Variants in ABCG5 observed in about 807,000 individuals in gnomAD.
ABCG5 encodes ATP binding cassette subfamily G member 5, also known as ATP-binding cassette sub-family G member 5.
ABCG5 carries 64 observed loss-of-function variants against 64.5 expected under a neutral mutation model. The ratio of observed to expected loss-of-function variants is 0.99; its 90% CI spans 0.81 to 1.22. The LOEUF is 1.22. Ranked by LOEUF, ABCG5 falls within the 50% of genes most tolerant of loss-of-function variation. ABCG5 has a pLI of 0.00. For synonymous variants in ABCG5, 385 were observed against 326.3 expected (o/e 1.18, Z -1.94); for missense variants, 908 against 829.5 (o/e 1.09, Z -1.16).
intron 11 of ABCG5, among the ~76,000 whole-genome samples, chr2:43,818,573 T>C (rs1343401708): frequency 6.6e-6 from 1 of 152,162 alleles, no homozygotes; most frequent in African/African-American, 2.4e-5. Context: ...TCAAATAATA[T>C]AAAAGAGGAA....
At chr2:43,818,496 T>C (rs1666991427) in intron 11 of ABCG5, among the ~76,000 whole-genome samples, 1 of 152,086 alleles carries the variant, frequency 6.6e-6, no homozygotes, top group Non-Finnish European at 1.5e-5. Flanking sequence ...AGTATCACTT[T>C]CTCAAAAAAT....
At chr2:43,810,870 G>A (rs190399003), downstream of ABCG5, among the ~76,000 whole-genome samples, 445 of 152,288 alleles carry the variant, frequency 2.9e-3, 6 homozygotes, top group Non-Finnish European at 7.1e-4. Flanking sequence ...GGAAGAAACA[G>A]CCTATTCCAC....
chr2:43,832,117 C>A, intron 2 of ABCG5, 34 bp from the exon 3 acceptor site: 1 of 1,561,968 alleles, frequency 6.4e-7, no homozygotes, highest in Non-Finnish European at 8.7e-7. Flanking sequence ...CTAGAGGAAC[C>A]ACTCTGTGCC....
chr2:43,810,274 A>G (rs915422645), downstream of ABCG5: 3 of 774,962 alleles, frequency 3.9e-6, no homozygotes, highest in African/African-American at 1.9e-5. Context: ...CCCCACACCT[A>G]GAGTGTCGCC....
chr2:43,829,115 A>G (rs1181053560), intron 4 of ABCG5, among the ~76,000 whole-genome samples: 1 of 152,224 alleles, frequency 6.6e-6, no homozygotes, highest in Non-Finnish European at 1.5e-5. Context: ...ACTGCAGCCC[A>G]TACAGAAAAA....
downstream of ABCG5, chr2:43,809,831 A>G: frequency 4.5e-6 from 7 of 1,538,542 alleles, no homozygotes; most frequent in South Asian, 1.2e-5. Flanking sequence ...TATACTGTGA[A>G]TTAACTATTG....
intron 11 of ABCG5, among the ~76,000 whole-genome samples, chr2:43,818,190 A>C (rs1169296205): frequency 1.3e-5 from 2 of 152,014 alleles, no homozygotes; most frequent in African/African-American, 4.8e-5. Context: ...GGTGGCTCAC[A>C]CCTGTAATCC....
intron 11 of ABCG5, among the ~76,000 whole-genome samples, chr2:43,817,439 C>T (rs183426545): frequency 1.3e-5 from 2 of 152,040 alleles, no homozygotes; most frequent in African/African-American, 2.4e-5. Context: ...GAGCCGAGAT[C>T]GTGCCATTGC....
the ABCG5 span, among the ~76,000 whole-genome samples, chr2:43,806,782 T>C: frequency 6.6e-6 from 1 of 152,192 alleles, no homozygotes; most frequent in Non-Finnish European, 1.5e-5. Flanking sequence ...CTTAAAACCA[T>C]AAGAATTTTG....
downstream of ABCG5, among the ~76,000 whole-genome samples, chr2:43,807,648 G>A (rs776501824): frequency 1.2e-4 from 16 of 134,544 alleles, no homozygotes; most frequent in Non-Finnish European, 2.0e-4. Flanking sequence ...TCAACTCCTC[G>A]CCTAAAGCAA....
At chr2:43,825,894 G>A (rs1037929740) in intron 6 of ABCG5, among the ~76,000 whole-genome samples, 1 of 152,186 alleles carries the variant, frequency 6.6e-6, no homozygotes, top group Non-Finnish European at 1.5e-5. Flanking sequence ...TTGGAACATG[G>A]TAGGTGCTGA....
chr2:43,808,505 G>C (rs779228457), downstream of ABCG5, among the ~76,000 whole-genome samples: 1 of 152,144 alleles, frequency 6.6e-6, no homozygotes, highest in Non-Finnish European at 1.5e-5. Flanking sequence ...GACAACCTTT[G>C]TACAGTTATT....
At chr2:43,813,563 C>A (rs1666600941) in intron 12 of ABCG5, among the ~76,000 whole-genome samples, 1 of 152,002 alleles carries the variant, frequency 6.6e-6, no homozygotes, top group South Asian at 2.1e-4. Context: ...GATCCCTTAG[C>A]ACAGACTATC....
At chr2:43,819,741 A>C (rs1470517420) in intron 11 of ABCG5, among the ~76,000 whole-genome samples, 174 bp downstream of exon 11, 2 of 152,198 alleles carry the variant, frequency 1.3e-5, no homozygotes, top group African/African-American at 4.8e-5. Context: ...TATTGAACAA[A>C]TGAACAGTTC....
chr2:43,813,060 A>C lies in ABCG5; in HGVS notation c.*56T>G. On this transcript the variant is annotated 3_prime_UTR_variant, in exon 13 of 13. Coordinates refer to ENST00000405322, the MANE Select transcript of ABCG5 (RefSeq NM_022436.3). ...CATGGCACTCTCATTTCAGACGTTC[A>C]GAGCAGTCATGCACAGTCGGCAGCT... 1 of 788,416 alleles carries C rather than the reference A, an allele frequency of 1.3e-6. No individual in the cohort carries two copies. Among genetic ancestry groups the C allele is most frequent in the Non-Finnish European group, 2.3e-6 (1 of 430,024 alleles). The allele number at this position is 788,416 out of a possible 1,614,324, so 48.8% of individuals were successfully genotyped here.
Position 43,838,494 on chromosome 2 carries a change from C to T in ABCG5, c.143+43G>A. The T allele has an allele frequency of 6.4e-7, 1 of 1,560,868 alleles. No homozygotes were observed. The highest frequency in any genetic ancestry group is 1.2e-5 in the South Asian group (1 of 85,388). ...GCAGCAGAGGGGTGAGCGCCGGGCCCCGCACTCCTGGGGGAGCAGCAGCAG... is the reference window on the plus strand; with the variant it reads ...GCAGCAGAGGGGTGAGCGCCGGGCCTCGCACTCCTGGGGGAGCAGCAGCAG... On this transcript the variant is annotated intron_variant, in intron 1 of 12. Transcript: ENST00000405322. This position sits in a 1 kb window ranked among gnomAD's most constrained non-coding sequence, Gnocchi z 4.2.
At chr2:43,835,356 C>T (rs1668199807) in intron 2 of ABCG5, among the ~76,000 whole-genome samples, 1 of 152,060 alleles carries the variant, frequency 6.6e-6, no homozygotes. Context: ...GTGCTAAATG[C>T]CACCTTGTTT....
intron 4 of ABCG5, among the ~76,000 whole-genome samples, chr2:43,829,354 C>T (rs1480471646): frequency 6.6e-6 from 1 of 152,104 alleles, no homozygotes; most frequent in Non-Finnish European, 1.5e-5. Context: ...AAAAATAATT[C>T]CAATCTTTAC....
At chr2:43,816,808 G>A (rs903344294) in intron 11 of ABCG5, among the ~76,000 whole-genome samples, 1 of 152,138 alleles carries the variant, frequency 6.6e-6, no homozygotes, top group Admixed American at 6.5e-5. Context: ...TAAAATTCTA[G>A]CAAGAACTAC....
Sources: allele counts gnomAD v4.1 joint callset (sites outside exome capture counted in the v4.1 genomes callset), GRCh38; gene constraint gnomAD v4.1.1; non-coding constraint Gnocchi (gnomAD v3.1); transcripts MANE v1.5; gene names NCBI Gene and HGNC (gene_info 2026-07-23, HGNC 2026-07-21).